ARHGAP42: variants seen among roughly 807,000 people sequenced by gnomAD.
ARHGAP42 encodes Rho GTPase activating protein 42, also known as rho GTPase-activating protein 42.
Under a neutral mutation model 125.0 loss-of-function variants are expected in ARHGAP42, and 63 were observed. That is an observed-to-expected ratio of 0.50 (90% CI 0.41 to 0.62). The LOEUF (loss-of-function observed/expected upper bound fraction) is 0.62. ARHGAP42 is among the 20% of genes least tolerant of loss of function. The pLI is 0.00. For missense variants in ARHGAP42, 766 were observed against 1,024.2 expected, an observed-to-expected ratio of 0.75 and a Z score of 3.44; for synonymous variants, 339 against 351.0, an observed-to-expected ratio of 0.97 and a Z score of 0.38.
At chr11:100,975,945 G>C (rs1858378498) in intron 19 of ARHGAP42, 112 bp from the exon 20 acceptor site, 1 of 1,219,178 alleles carries the variant, frequency 8.2e-7, no homozygotes, top group Non-Finnish European at 1.1e-6. Flanking sequence ...CACTTTAATG[G>C]GGTCAGGTGG....
At chr11:100,828,870 G>A (rs1864595100) in intron 3 of ARHGAP42, among the ~76,000 whole-genome samples, 1 of 152,072 alleles carries the variant, frequency 6.6e-6, no homozygotes. Context: ...CCATTTTGTA[G>A]ATGTGTAAAG....
At chr11:100,902,956 G>A (rs1866592784) in intron 4 of ARHGAP42, among the ~76,000 whole-genome samples, 1 of 152,082 alleles carries the variant, frequency 6.6e-6, no homozygotes, top group Non-Finnish European at 1.5e-5. Flanking sequence ...ACGGCCCCGA[G>A]GTGTGTTGGT....
At position 100,976,442 on chromosome 11, in the gene ARHGAP42, G is replaced by T; in HGVS notation, c.2236+5G>T. On this transcript the variant is annotated splice_donor_5th_base_variant and intron_variant, in intron 20 of 23. Coordinates refer to ENST00000298815, the MANE Select transcript of ARHGAP42 (RefSeq NM_152432.4). Reference sequence around the variant, plus strand: ...GATCCATCTCTGCAGCTGAAGGTAAGGCAGAGTGGAACTTGTGCAAGATGT... The same window carrying T: ...GATCCATCTCTGCAGCTGAAGGTAATGCAGAGTGGAACTTGTGCAAGATGT... 6.6e-7 allele frequency: 1 copy of T among 1,512,548 alleles called. No individual in the cohort carries two copies. Among genetic ancestry groups the T allele is most frequent in the South Asian group, 1.3e-5 (1 of 76,094 alleles). The allele number at this position is 1,512,548 out of a possible 1,614,324, so 93.7% of individuals were successfully genotyped here.
At chr11:100,960,629 G>A (rs1376833359) in intron 13 of ARHGAP42, among the ~76,000 whole-genome samples, 8 of 152,052 alleles carry the variant, frequency 5.3e-5, no homozygotes, top group African/African-American at 1.9e-4. Context: ...GAGTAATATC[G>A]ATCATCCCTT....
intron 1 of ARHGAP42, among the ~76,000 whole-genome samples, chr11:100,697,181 G>T (rs900387366): frequency 6.8e-5 from 10 of 147,312 alleles, no homozygotes; most frequent in Non-Finnish European, 1.1e-4. Flanking sequence ...TGTTGTTTTG[G>T]TTTTTTTTTT....
At chr11:100,800,648 T>G (rs1320520329) in intron 3 of ARHGAP42, among the ~76,000 whole-genome samples, 1 of 152,226 alleles carries the variant, frequency 6.6e-6, no homozygotes, top group Non-Finnish European at 1.5e-5. Context: ...TTCATTTCAT[T>G]TCTTCTTTTG....
At chr11:100,862,429 A>G (rs920803668) in intron 4 of ARHGAP42, among the ~76,000 whole-genome samples, 1 of 151,298 alleles carries the variant, frequency 6.6e-6, no homozygotes, top group Non-Finnish European at 1.5e-5. Context: ...TCTTTTTCTT[A>G]TTTGGAGGTT....
chr11:100,962,317 A>T, intron 15 of ARHGAP42, 92 bp from the exon 16 acceptor site: 1 of 967,118 alleles, frequency 1.0e-6, no homozygotes, highest in Non-Finnish European at 1.5e-6. Flanking sequence ...ATTGATGAAT[A>T]ACAGTCACCT....
rs1337434856 is a variant in ARHGAP42 at position 100,991,053 on chromosome 11, G to A, written c.*2252G>A. Reference sequence around the variant, plus strand: ...TATTGTATCTGATGGCAAGGCATATGTTGCAGCCACAGTACTGGCTATGGT... The same window carrying A: ...TATTGTATCTGATGGCAAGGCATATATTGCAGCCACAGTACTGGCTATGGT... On this transcript the variant is annotated 3_prime_UTR_variant, in exon 24 of 24. Transcript: ENST00000298815. The A allele has an allele frequency of 1.3e-5, 2 of 152,192 alleles. No individual in the cohort carries two copies. Among genetic ancestry groups the A allele is most frequent in the African/African-American group, 4.8e-5 (2 of 41,456 alleles). The allele number at this position is 152,192 out of a possible 1,614,324, so 9.4% of individuals were successfully genotyped here.
intron 3 of ARHGAP42, 84 bp from the exon 4 acceptor site, chr11:100,859,470 A>G: frequency 1.8e-6 from 2 of 1,133,468 alleles, no homozygotes; most frequent in Non-Finnish European, 2.5e-6. Flanking sequence ...AGTCTATTTG[A>G]TACATTGGAT....
intron 4 of ARHGAP42, among the ~76,000 whole-genome samples, chr11:100,879,701 C>T (rs914403841): frequency 6.6e-6 from 1 of 152,202 alleles, no homozygotes; most frequent in Admixed American, 6.5e-5. Context: ...CTACCCTGTT[C>T]TTACCTTTCT....
chr11:100,978,820 A>G (rs1407070755), intron 21 of ARHGAP42, among the ~76,000 whole-genome samples, 167 bp from the exon 22 acceptor site: 1 of 152,218 alleles, frequency 6.6e-6, no homozygotes, highest in Non-Finnish European at 1.5e-5. Flanking sequence ...GGTTAGATCT[A>G]AAAATCTCAT....
At chr11:100,869,089 A>G (rs796958722) in intron 4 of ARHGAP42, among the ~76,000 whole-genome samples, 33 of 152,198 alleles carry the variant, frequency 2.2e-4, no homozygotes, top group African/African-American at 7.2e-4. Context: ...CACGGAGACA[A>G]CAACAACAAA....
chr11:100,941,949 CAAAA>C, intron 9 of ARHGAP42, 65 bp downstream of exon 9: 1 of 1,167,370 alleles, frequency 8.6e-7, no homozygotes, highest in Non-Finnish European at 1.2e-6. Flanking sequence ...GGAATTAAAA[CAAAA>C]AAATCACATT....
chr11:100,794,564 C>T (rs1863662024), intron 2 of ARHGAP42, among the ~76,000 whole-genome samples: 1 of 152,182 alleles, frequency 6.6e-6, no homozygotes, highest in African/African-American at 2.4e-5. Context: ...AAAGATCTAA[C>T]ATACCTTGGA....
chr11:100,941,722 G>A (rs1591310550), intron 8 of ARHGAP42, 62 bp from the exon 9 acceptor site: 1 of 1,040,874 alleles, frequency 9.6e-7, no homozygotes, highest in Non-Finnish European at 1.4e-6. Flanking sequence ...TGGAGAATGT[G>A]CAAACTTTGA....
chr11:100,716,693 G>T (rs567533554), intron 1 of ARHGAP42, among the ~76,000 whole-genome samples: 1 of 152,196 alleles, frequency 6.6e-6, no homozygotes, highest in South Asian at 2.1e-4. Flanking sequence ...AATTTCAGTA[G>T]TTTTATTTTG....
At chr11:100,709,160 C>G (rs763715123) in intron 1 of ARHGAP42, among the ~76,000 whole-genome samples, 13 of 152,142 alleles carry the variant, frequency 8.5e-5, no homozygotes, top group Non-Finnish European at 1.9e-4. Flanking sequence ...CTGCCTCAGC[C>G]TCCTGAGTAG....
rs542082674 is a variant in ARHGAP42 at position 100,800,558 on chromosome 11, T to A, written c.312+5392T>A. ...ACAGCGACCAAGGAGAGGAAATGGCTCAAGAATGTGTTAGAGTATCTTATA... is the reference window on the plus strand; with the variant it reads ...ACAGCGACCAAGGAGAGGAAATGGCACAAGAATGTGTTAGAGTATCTTATA... On this transcript the variant is annotated intron_variant, in intron 3 of 23. Coordinates refer to ENST00000298815, the MANE Select transcript of ARHGAP42 (RefSeq NM_152432.4). Among the ~76,000 whole-genome samples, 8 of 152,246 alleles carry A rather than the reference T, an allele frequency of 5.3e-5. No individual in the cohort carries two copies. The South Asian group carries it at 1.7e-3, about 32-fold the overall frequency.
Sources: gnomAD v4.1 joint callset for allele counts (sites outside exome capture counted in the v4.1 genomes callset) on GRCh38, gnomAD v4.1.1 for gene constraint, MANE v1.5 for transcripts, NCBI Gene and HGNC (gene_info 2026-07-23, HGNC 2026-07-21) for gene names.